Variants in PEX2 observed in about 807,000 individuals in gnomAD.
PEX2 encodes the protein peroxisomal biogenesis factor 2, also known as peroxisome biogenesis factor 2.
In PEX2, 19 loss-of-function variants were observed where a neutral mutation model predicts 25.2. The observed-to-expected ratio is 0.75, with a 90% confidence interval of 0.53 to 1.10. The LOEUF (loss-of-function observed/expected upper bound fraction) is 1.10, where lower values mean the gene tolerates loss of function less well. PEX2 is among the 50% of genes least tolerant of loss of function. PEX2 has a pLI of 0.00. For missense variants in PEX2, 347 were observed against 350.6 expected (o/e 0.99, Z 0.08); for synonymous variants, 141 against 127.7 (o/e 1.10, Z -0.70).
rs2132044121 is a variant in PEX2 at position 76,983,802 on chromosome 8, T to C, written c.377A>G (p.Asn126Ser). The C allele has an allele frequency of 2.5e-6, 4 of 1,614,126 alleles. No individual in the cohort carries two copies. Among genetic ancestry groups the C allele is most frequent in the Non-Finnish European group, 3.4e-6 (4 of 1,180,024 alleles). ...TTTCCCAAATGATGCTAAATGATGG[T>C]TTCGAAACAAATCATAGCATCGTTC... ...LEERCYDLFR[N>S]HHLASFGKVK... The change falls in exon 4 of 4, where the codon AAC becomes AGC. Residue 126 changes from asparagine to serine, a missense_variant. Transcript: ENST00000357039.
At position 76,981,246 on chromosome 8, in the gene PEX2, G is replaced by A. The variant is rs1273966803; in HGVS notation, c.*2015C>T. ...ACAACTTTGGGAGGCCAGGGTAGGA[G>A]GACTGCTTGAGCCCAGAAGTTCAAG... On this transcript the variant is annotated 3_prime_UTR_variant, in exon 4 of 4. Transcript: ENST00000357039. 1.3e-5 allele frequency: 2 copies of A among 152,330 alleles called. No individual in the cohort carries two copies. The highest frequency in any genetic ancestry group is 2.9e-5 in the Non-Finnish European group (2 of 68,154). The allele number at this position is 152,330 out of a possible 1,614,324, so 9.4% of individuals were successfully genotyped here. A position where few individuals can be genotyped will look rare whatever the true frequency, so the allele number is the denominator to read the frequency against.
At chr8:76,985,748 G>C (rs945212165) in intron 3 of PEX2, among the ~76,000 whole-genome samples, 3 of 152,136 alleles carry the variant, frequency 2.0e-5, no homozygotes, top group Non-Finnish European at 4.4e-5. Flanking sequence ...GATCCTGCTG[G>C]AGCTCACTGC....
At position 76,999,540 on chromosome 8, in the gene PEX2, AAC is replaced by A. The variant is rs1291970527; in HGVS notation, c.-160+448_-160+449del. On this transcript the variant is annotated intron_variant, in intron 1 of 3. Coordinates refer to ENST00000357039, the MANE Select transcript of PEX2 (RefSeq NM_000318.3). ...CCAAACTGCATTTACGTGCGCTTTC[AAC>A]AGTGTTAGAAAACTAAGCACTCAAA... Among the ~76,000 whole-genome samples the A allele has an allele frequency of 6.6e-5, 10 of 152,346 alleles. No homozygotes were observed. The South Asian group carries it at 1.7e-3, about 25-fold the overall frequency.
Position 76,983,595 on chromosome 8 carries a change from A to G in PEX2, c.584T>C (p.Leu195Pro), listed in dbSNP as rs995161736. 3.1e-6 allele frequency: 5 copies of G among 1,614,030 alleles called. No homozygotes were observed. Among genetic ancestry groups the G allele is most frequent in the Non-Finnish European group, 4.2e-6 (5 of 1,180,010 alleles). The part of the protein sequence containing the change: ...EVGFEYMNRE[L>P]LWHGFAEFLI... ...AAATTCAGCAAAACCATGCCAGAGA[A>G]GTTCCCTATTCATGTATTCAAAGCC... The change falls in exon 4 of 4, where the codon CTT becomes CCT. Residue 195 changes from leucine to proline, a missense_variant. Physicochemically the swap from Leu to Pro is moderately conservative, Grantham distance 98 (BLOSUM62 -3). Coordinates refer to ENST00000357039, the MANE Select transcript of PEX2 (RefSeq NM_000318.3).
chr8:76,992,029 A>G (rs966526022), intron 1 of PEX2, among the ~76,000 whole-genome samples: 2 of 152,186 alleles, frequency 1.3e-5, no homozygotes, highest in African/African-American at 4.8e-5. Flanking sequence ...TTTCCAGGAA[A>G]TATTGACATC....
rs1806901488 is a variant in PEX2 at position 76,983,513 on chromosome 8, T to C, written c.666A>G (p.Ser222=). ...NVQKLKAKLS[S]WCIPLTGAPN... ...GTGCACCAGTAAGAGGAATACACCA[T>C]GAAGACAGCTTGGCTTTCAACTTCT... Residue 222 remains serine, a synonymous_variant, in exon 4 of 4, where the codon TCA becomes TCG. Coordinates refer to ENST00000357039, the MANE Select transcript of PEX2 (RefSeq NM_000318.3). The C allele has an allele frequency of 3.7e-6, 6 of 1,613,960 alleles. No homozygotes were observed. The highest frequency in any genetic ancestry group is 5.1e-6 in the Non-Finnish European group (6 of 1,180,008).
At chr8:76,989,280 T>C (rs192883941) in intron 1 of PEX2, among the ~76,000 whole-genome samples, 20 of 152,250 alleles carry the variant, frequency 1.3e-4, no homozygotes, top group Non-Finnish European at 2.4e-4. Context: ...TAATTATAGC[T>C]CTCTTACTAT....
At chr8:76,991,211 G>A (rs1055597407) in intron 1 of PEX2, among the ~76,000 whole-genome samples, 8 of 152,086 alleles carry the variant, frequency 5.3e-5, no homozygotes, top group African/African-American at 1.9e-4. Context: ...TCTTGTTTTT[G>A]GAGGAATTAC....
At chr8:76,984,729 C>G (rs994593797) in intron 3 of PEX2, among the ~76,000 whole-genome samples, 3 of 152,180 alleles carry the variant, frequency 2.0e-5, no homozygotes, top group African/African-American at 7.2e-5. Context: ...TAATCTTTCT[C>G]AAATACATTT....
At chr8:76,988,251 T>C (rs1228219608) in intron 2 of PEX2, 56 bp downstream of exon 2, 1 of 152,210 alleles carries the variant, frequency 6.6e-6, no homozygotes, top group Non-Finnish European at 1.5e-5. Context: ...GCTCCTCTAG[T>C]CTAGTGGTTT....
Position 76,980,460 on chromosome 8 carries a change from T to C in PEX2, c.*2801A>G, listed in dbSNP as rs897077925. Reference sequence around the variant, plus strand: ...ATCCACCCTTCTAAGAACACCTCAGTTTCCTGTGGTGAACGGCCTCCTCCA... The same window carrying C: ...ATCCACCCTTCTAAGAACACCTCAGCTTCCTGTGGTGAACGGCCTCCTCCA... On this transcript the variant is annotated 3_prime_UTR_variant, in exon 4 of 4. Transcript: ENST00000357039. 2 of 152,186 alleles carry C rather than the reference T, an allele frequency of 1.3e-5. No individual in the cohort carries two copies. The highest frequency in any genetic ancestry group is 4.8e-5 in the African/African-American group (2 of 41,438). 9.4% of individuals were successfully genotyped at this position (152,186 alleles called of 1,614,324 possible).
At chr8:76,984,463 AC>A (rs1806947817) in intron 3 of PEX2, among the ~76,000 whole-genome samples, 2 of 152,152 alleles carry the variant, frequency 1.3e-5, no homozygotes, top group Non-Finnish European at 2.9e-5. Flanking sequence ...TAACAACAAA[AC>A]AAAACAAAAC....
upstream of PEX2, chr8:77,000,088 T>C (rs766320805): frequency 2.6e-6 from 1 of 388,588 alleles, no homozygotes; most frequent in South Asian, 1.8e-5. Flanking sequence ...TACCAAGGCT[T>C]CCGGAACTCG....
intron 1 of PEX2, among the ~76,000 whole-genome samples, chr8:76,990,210 G>T (rs1807127126): frequency 6.6e-6 from 1 of 152,138 alleles, no homozygotes; most frequent in Admixed American, 6.5e-5. Flanking sequence ...TTGTCTTAAA[G>T]AATTGAAGAG....
intron 2 of PEX2, chr8:76,986,608 C>A (rs1807007840): frequency 6.6e-6 from 1 of 152,268 alleles, no homozygotes; most frequent in Non-Finnish European, 1.5e-5. Flanking sequence ...TCAAAAAGTA[C>A]CCCCTTCTCC....
In PEX2 at chr8:76,983,533, A is replaced by G; in HGVS notation, c.646T>C (p.Leu216=). 1 of 1,614,116 alleles carries G rather than the reference A, an allele frequency of 6.2e-7. No individual in the cohort carries two copies. The highest frequency in any genetic ancestry group is 8.5e-7 in the Non-Finnish European group (1 of 1,180,036). ...CACCATGAAGACAGCTTGGCTTTCA[A>G]CTTCTGGACATTGATAAGTGGTAAG... ...FLLPLINVQK[L]KAKLSSWCIP... The change falls in exon 4 of 4, where the codon TTG becomes CTG. Residue 216 remains leucine (L), a synonymous_variant. Transcript: ENST00000357039.
rs1427596698 is a variant in PEX2, at chr8:76,982,912, A to C, written c.*349T>G. On this transcript the variant is annotated 3_prime_UTR_variant, in exon 4 of 4. Coordinates refer to ENST00000357039, the MANE Select transcript of PEX2 (RefSeq NM_000318.3). ...TTATGTCAACTCTGAAAATAAATGCACACTCATCCCAGAGTCTCCAAAATC... is the reference window on the plus strand; with the variant it reads ...TTATGTCAACTCTGAAAATAAATGCCCACTCATCCCAGAGTCTCCAAAATC... The C allele has an allele frequency of 1.6e-5, 5 of 313,322 alleles. No homozygotes were observed. Among genetic ancestry groups the C allele is most frequent in the Non-Finnish European group, 2.9e-5 (5 of 170,728 alleles). The allele number at this position is 313,322 out of a possible 1,614,324, so 19.4% of individuals were successfully genotyped here.
rs929461800 is a variant in PEX2, at chr8:76,981,687, T to C, written c.*1574A>G. On this transcript the variant is annotated 3_prime_UTR_variant, in exon 4 of 4. Coordinates refer to ENST00000357039, the MANE Select transcript of PEX2 (RefSeq NM_000318.3). Reference sequence around the variant, plus strand: ...TAATTTTGTAAATAAGAAATGTACGTGCAACAAATCTACAAATATAGTAAA... The same window carrying C: ...TAATTTTGTAAATAAGAAATGTACGCGCAACAAATCTACAAATATAGTAAA... 1 of 152,144 alleles carries C rather than the reference T, an allele frequency of 6.6e-6. No homozygotes were observed. The highest frequency in any genetic ancestry group is 1.5e-5 in the Non-Finnish European group (1 of 68,026). 9.4% of individuals were successfully genotyped at this position (152,144 alleles called of 1,614,324 possible).
chr8:76,994,429 A>G (rs1371655194), intron 1 of PEX2, among the ~76,000 whole-genome samples: 1 of 152,160 alleles, frequency 6.6e-6, no homozygotes, highest in African/African-American at 2.4e-5. Context: ...GGGCCTGTCA[A>G]TATTAACGTA....
Sources: allele counts gnomAD v4.1 joint callset (sites outside exome capture counted in the v4.1 genomes callset), GRCh38; gene constraint gnomAD v4.1.1; transcripts MANE v1.5; gene names NCBI Gene and HGNC (gene_info 2026-07-23, HGNC 2026-07-21).